CHL1: variants seen among roughly 807,000 people sequenced by gnomAD.
The protein encoded by CHL1 is cell adhesion molecule L1 like.
In CHL1, 96 loss-of-function variants were observed where a neutral mutation model predicts 141.9. The ratio of observed to expected loss-of-function variants is 0.68; its 90% CI spans 0.57 to 0.80. The LOEUF (loss-of-function observed/expected upper bound fraction) is 0.80. Among genes scored for constraint, CHL1 ranks in the 30% least tolerant of loss-of-function variants. The pLI is 0.00. For missense variants in CHL1, 1,820 were observed against 1,457.2 expected (o/e 1.25, Z -4.05); for synonymous variants, 613 against 502.2 (o/e 1.22, Z -2.95).
chr3:209,401 G>C (rs1053653650), intron 1 of CHL1, among the ~76,000 whole-genome samples: 2 of 152,024 alleles, frequency 1.3e-5, no homozygotes, highest in Admixed American at 1.3e-4. Context: ...TGACTATATG[G>C]GTGATCTTGA....
At chr3:223,925 A>C (rs1701094583) in intron 1 of CHL1, among the ~76,000 whole-genome samples, 1 of 152,196 alleles carries the variant, frequency 6.6e-6, no homozygotes, top group South Asian at 2.1e-4. Context: ...CCTTGGTATG[A>C]GTCACAGATC....
intron 23 of CHL1, among the ~76,000 whole-genome samples, chr3:393,669 A>C (rs374950345): frequency 1.3e-5 from 2 of 152,016 alleles, no homozygotes. Flanking sequence ...AAATTGTTGC[A>C]ATTTATATGT....
chr3:281,336 A>G (rs1217667719), intron 2 of CHL1, among the ~76,000 whole-genome samples: 1 of 152,144 alleles, frequency 6.6e-6, no homozygotes, highest in East Asian at 1.9e-4. Flanking sequence ...TACAATAGAA[A>G]GGGACCTCAC....
chr3:386,953 T>G (rs1707780402), intron 19 of CHL1, among the ~76,000 whole-genome samples: 1 of 151,910 alleles, frequency 6.6e-6, no homozygotes, highest in African/African-American at 2.4e-5. Flanking sequence ...GTAGCTCAAT[T>G]TAGCCACTCC....
At position 290,522 on chromosome 3, in the gene CHL1, C is replaced by T. The variant is rs143292578; in HGVS notation, c.-94-29161C>T. Among the ~76,000 whole-genome samples the T allele has an allele frequency of 2.8e-3, 423 of 152,224 alleles. 1 individual carries two copies. The highest frequency in any genetic ancestry group is 5.4e-3 in the Non-Finnish European group (369 of 67,996). On this transcript the variant is annotated intron_variant, in intron 2 of 27. Transcript: ENST00000256509. ...ACCTGGGTTTAGTATTTTCTTCCAT[C>T]TCTTGATTTCTGTTTGCTTAATTGA...
chr3:326,042 G>A lies in CHL1; in HGVS notation c.175G>A (p.Ala59Thr), dbSNP rs1364805571. ...TGAGTATTTTCAAATTGAATGTGAA[G>A]CTAAAGGAAATCCAGAACCAACGTG... ...FDEYFQIECEAKGNPEPTFSW... is the reference protein window; with the variant it reads ...FDEYFQIECETKGNPEPTFSW... The change falls in exon 4 of 28, where the codon GCT becomes ACT. Residue 59 changes from alanine to threonine, a missense_variant. By Grantham distance (58) the Ala-to-Thr change is moderately conservative (BLOSUM62 0). Transcript: ENST00000256509. The A allele has an allele frequency of 6.2e-7, 1 of 1,610,678 alleles. No individual in the cohort carries two copies. The highest frequency in any genetic ancestry group is 1.1e-5 in the South Asian group (1 of 90,844).
intron 2 of CHL1, among the ~76,000 whole-genome samples, chr3:267,274 C>T (rs1381010922): frequency 2.0e-5 from 3 of 152,136 alleles, no homozygotes; most frequent in Admixed American, 2.0e-4. Context: ...AGAGTCTCAC[C>T]ATCATTTCCC....
In CHL1 at chr3:389,436, C is replaced by T. The variant is rs1202876357; in HGVS notation, c.2432C>T (p.Pro811Leu). ...GCTATCAATCAACTAGGATCTGGGC[C>T]TGACCCTCAGTCAGTGACTCTCTAT... ...VQAINQLGSG[P>L]DPQSVTLYSG... is the part of the protein sequence containing the mutation. The change falls in exon 20 of 28, where the codon CCT (proline) becomes CTT (leucine). Residue 811 changes from proline (P) to leucine (L), a missense_variant. Pro to Leu is a moderately conservative substitution (Grantham distance 98). Coordinates refer to ENST00000256509, the MANE Select transcript of CHL1 (RefSeq NM_006614.4). The T allele has an allele frequency of 6.2e-7, 1 of 1,614,188 alleles. No individual in the cohort carries two copies. Among genetic ancestry groups the T allele is most frequent in the African/African-American group, 1.3e-5 (1 of 75,048 alleles).
At chr3:232,579 C>G (rs1301191115) in intron 1 of CHL1, among the ~76,000 whole-genome samples, 1 of 152,072 alleles carries the variant, frequency 6.6e-6, no homozygotes, top group East Asian at 1.9e-4. Context: ...CACAGTTTTA[C>G]AAGTTAGATG....
intron 2 of CHL1, chr3:246,571 C>A (rs891082368): frequency 6.6e-6 from 1 of 152,092 alleles, no homozygotes; most frequent in African/African-American, 2.4e-5. Flanking sequence ...TTTTCAGAAT[C>A]TCTTGTTTGG....
At chr3:216,213 A>G (rs1472121040) in intron 1 of CHL1, among the ~76,000 whole-genome samples, 5 of 152,312 alleles carry the variant, frequency 3.3e-5, no homozygotes, top group South Asian at 2.1e-4. Context: ...TTGAAGTGCT[A>G]TGGGGGATAT....
At chr3:277,029 G>C (rs1281252848) in intron 2 of CHL1, among the ~76,000 whole-genome samples, 1 of 151,862 alleles carries the variant, frequency 6.6e-6, no homozygotes, top group African/African-American at 2.4e-5. Context: ...CTGAAAATTG[G>C]AGATAATGAT....
At chr3:337,532 A>G (rs1180088927) in intron 5 of CHL1, among the ~76,000 whole-genome samples, 1 of 140,258 alleles carries the variant, frequency 7.1e-6, no homozygotes, top group Non-Finnish European at 1.5e-5. Context: ...CCACCCCACA[A>G]CAGGCCCCGG....
chr3:212,344 C>T (rs1409074390), intron 1 of CHL1, among the ~76,000 whole-genome samples: 2 of 152,034 alleles, frequency 1.3e-5, no homozygotes, highest in East Asian at 3.8e-4. Context: ...AGCCATTTAC[C>T]ATTTCCTATA....
At chr3:201,645 T>G (rs1698953210) in intron 1 of CHL1, among the ~76,000 whole-genome samples, 1 of 152,194 alleles carries the variant, frequency 6.6e-6, no homozygotes, top group African/African-American at 2.4e-5. Flanking sequence ...TTAGGGTGGG[T>G]ATAAATATCT....
intron 2 of CHL1, among the ~76,000 whole-genome samples, chr3:313,374 A>G (rs1039965638): frequency 1.4e-4 from 21 of 152,196 alleles, no homozygotes; most frequent in African/African-American, 4.3e-4. Flanking sequence ...TTGCCCATGT[A>G]TCACACTCAT....
At chr3:293,251 T>C (rs541524992) in intron 2 of CHL1, among the ~76,000 whole-genome samples, 1 of 152,284 alleles carries the variant, frequency 6.6e-6, no homozygotes, top group South Asian at 2.1e-4. Flanking sequence ...CTTGTAATCC[T>C]AGCACTTTGG....
At chr3:386,407 T>C (rs1707717967) in intron 19 of CHL1, among the ~76,000 whole-genome samples, 1 of 152,206 alleles carries the variant, frequency 6.6e-6, no homozygotes, top group Admixed American at 6.5e-5. Flanking sequence ...CCTTCAGACA[T>C]TCACTTCTCA....
chr3:300,210 T>G (rs1246738345), intron 2 of CHL1, among the ~76,000 whole-genome samples: 1 of 152,206 alleles, frequency 6.6e-6, no homozygotes, highest in African/African-American at 2.4e-5. Flanking sequence ...ACCCAAGATA[T>G]CAGTTTGAAT....
Sources: allele counts gnomAD v4.1 joint callset (sites outside exome capture counted in the v4.1 genomes callset), GRCh38; gene constraint gnomAD v4.1.1; transcripts MANE v1.5; gene names NCBI Gene and HGNC (gene_info 2026-07-23, HGNC 2026-07-21).